TCTN3: variants seen among roughly 807,000 people sequenced by gnomAD.
TCTN3 encodes the protein tectonic-3.
A neutral mutation model predicts 71.3 loss-of-function variants in TCTN3; 57 were observed. The observed-to-expected ratio is 0.80, with a 90% CI of 0.65 to 1.00. TCTN3 has a LOEUF of 1.00. Ranked by LOEUF, TCTN3 falls within the 50% of genes least tolerant of loss-of-function variation. The probability of loss-of-function intolerance (pLI) is 0.00; values close to 1 mark genes in which losing one functional copy is unlikely to be tolerated. For missense variants in TCTN3, 696 were observed against 719.9 expected (o/e 0.97, Z 0.38); for synonymous variants, 258 against 267.8 (o/e 0.96, Z 0.36).
chr10:95,683,778 T>G, intron 9 of TCTN3, 149 bp from the exon 10 acceptor site: 4 of 552,072 alleles, frequency 7.2e-6, no homozygotes, highest in Non-Finnish European at 1.2e-5. Context: ...CAGTGTAGCA[T>G]TTTGCTTCTT....
rs2097944117 is a variant in TCTN3, at chr10:95,682,643, C to G, written c.1452+8G>C. ...AGTCTTCATCAGAAAGTATATTTCT[C>G]TCCTTACTGAAATGCTGCAGTGCCT... is the stretch of plus-strand genomic sequence containing the variant. On this transcript the variant is annotated splice_region_variant and intron_variant, in intron 12 of 13. Coordinates refer to ENST00000371217, the MANE Select transcript of TCTN3 (RefSeq NM_015631.6). 2 of 1,608,706 alleles carry G rather than the reference C, an allele frequency of 1.2e-6. No individual in the cohort carries two copies. Among genetic ancestry groups the G allele is most frequent in the Non-Finnish European group, 1.7e-6 (2 of 1,178,284 alleles).
intron 13 of TCTN3, among the ~76,000 whole-genome samples, chr10:95,671,651 G>C (rs2097931578): frequency 6.6e-6 from 1 of 152,222 alleles, no homozygotes; most frequent in African/African-American, 2.4e-5. Flanking sequence ...TTTGGTACAA[G>C]TGTCTAACTC....
intron 13 of TCTN3, among the ~76,000 whole-genome samples, chr10:95,673,030 G>T (rs2097933276): frequency 2.0e-5 from 3 of 151,950 alleles, no homozygotes; most frequent in African/African-American, 7.2e-5. Flanking sequence ...CCCATTTTTA[G>T]TTTGTCATTG....
intron 3 of TCTN3, among the ~76,000 whole-genome samples, chr10:95,690,593 G>A (rs2097952597): frequency 6.6e-6 from 1 of 152,174 alleles, no homozygotes; most frequent in Admixed American, 6.5e-5. Context: ...ATATCTTGAG[G>A]ACAACGAGTA....
Position 95,693,685 on chromosome 10 carries a change from G to C in TCTN3, c.215C>G (p.Thr72Ser). 3 of 1,551,726 alleles carry C rather than the reference G, an allele frequency of 1.9e-6. No individual in the cohort carries two copies. Among genetic ancestry groups the C allele is most frequent in the Non-Finnish European group, 2.6e-6 (3 of 1,147,004 alleles). Residue 72 changes from threonine to serine, a missense_variant, in exon 1 of 14, where the codon ACT (threonine) becomes AGT (serine). Thr to Ser is a moderately conservative substitution (Grantham distance 58). Coordinates refer to ENST00000371217, the MANE Select transcript of TCTN3 (RefSeq NM_015631.6). ...AGTCCTATTCCCAGGGGCCGAGGGA[G>C]TCACGAGAGTAGGGACCACTGTAGG... ...GLPTVVPTLVTPSAPGNRTVD... is the reference protein window; with the variant it reads ...GLPTVVPTLVSPSAPGNRTVD...
At chr10:95,674,880 T>C (rs372329503) in intron 13 of TCTN3, among the ~76,000 whole-genome samples, 8 of 152,332 alleles carry the variant, frequency 5.3e-5, no homozygotes, top group African/African-American at 1.7e-4. Flanking sequence ...TAAATGTCCA[T>C]GTAAAGGTAA....
At position 95,682,978 on chromosome 10, in the gene TCTN3, A is replaced by G. The variant is rs968182971; in HGVS notation, c.1298+123T>C. On this transcript the variant is annotated intron_variant, in intron 11 of 13. Coordinates refer to ENST00000371217, the MANE Select transcript of TCTN3 (RefSeq NM_015631.6). Reference sequence around the variant, plus strand: ...TCTTAGCAATATCAACACTATTTAGACTAAAAGACTATTCCTGACTAGCAT... The same window carrying G: ...TCTTAGCAATATCAACACTATTTAGGCTAAAAGACTATTCCTGACTAGCAT... 2.4e-5 allele frequency: 29 copies of G among 1,232,364 alleles called. No individual in the cohort carries two copies. The Admixed American group carries it at 4.6e-4, about 20-fold the overall frequency. 76.3% of individuals were successfully genotyped at this position (1,232,364 alleles called of 1,614,324 possible).
At chr10:95,671,718 T>C (rs975214655) in intron 13 of TCTN3, among the ~76,000 whole-genome samples, 3 of 152,134 alleles carry the variant, frequency 2.0e-5, no homozygotes, top group East Asian at 1.9e-4. Context: ...ATCAGACACA[T>C]ATATTACAGA....
intron 13 of TCTN3, among the ~76,000 whole-genome samples, chr10:95,665,391 G>A (rs1218069849): frequency 1.3e-5 from 2 of 152,102 alleles, no homozygotes; most frequent in Non-Finnish European, 2.9e-5. Context: ...TGATTCTCAT[G>A]CCTCAGCCTC....
At chr10:95,674,516 T>C (rs1399829940) in intron 13 of TCTN3, among the ~76,000 whole-genome samples, 1 of 152,158 alleles carries the variant, frequency 6.6e-6, no homozygotes, top group Non-Finnish European at 1.5e-5. Context: ...GAGATCATAC[T>C]GTACAGGCTG....
intron 13 of TCTN3, among the ~76,000 whole-genome samples, chr10:95,679,887 G>C (rs553996970): frequency 1.3e-5 from 2 of 152,286 alleles, no homozygotes; most frequent in South Asian, 4.1e-4. Flanking sequence ...ACCGCGCCCG[G>C]CCGTCATTTC....
chr10:95,686,101 G>A (rs986518881), intron 7 of TCTN3, among the ~76,000 whole-genome samples: 3 of 152,154 alleles, frequency 2.0e-5, no homozygotes, highest in Non-Finnish European at 2.9e-5. Flanking sequence ...GGTGGCACAC[G>A]TCTATAGTCC....
chr10:95,682,540 T>G (rs2097944010), intron 12 of TCTN3, 111 bp downstream of exon 12: 1 of 1,302,268 alleles, frequency 7.7e-7, no homozygotes, highest in South Asian at 1.5e-5. Context: ...TACTCTTCCT[T>G]CTATGACAAA....
chr10:95,682,707 C>G lies in TCTN3; in HGVS notation c.1396G>C (p.Asp466His), dbSNP rs754607949. 11 of 1,614,034 alleles carry G rather than the reference C, an allele frequency of 6.8e-6. No homozygotes were observed. In the Admixed American group the frequency reaches 1.2e-4, roughly 17 times the overall value. ...GTCCACCCTCCTTTCTGGGCTGGGT[C>G]AGCATTACCAAAGATGGCAACATAC... ...PEYVAIFGNA[D>H]PAQKGGWTRI... The change falls in exon 12 of 14, where the codon GAC becomes CAC. Residue 466 changes from aspartate to histidine, a missense_variant. Asp to His is a moderately conservative substitution (Grantham distance 81). Coordinates refer to ENST00000371217, the MANE Select transcript of TCTN3 (RefSeq NM_015631.6).
At chr10:95,667,165 C>A (rs1314233172) in intron 13 of TCTN3, among the ~76,000 whole-genome samples, 1 of 152,076 alleles carries the variant, frequency 6.6e-6, no homozygotes, top group Non-Finnish European at 1.5e-5. Flanking sequence ...GGCTGAGAAA[C>A]CCCACATGAC....
chr10:95,669,997 G>A (rs975169806), intron 13 of TCTN3, among the ~76,000 whole-genome samples: 3 of 147,160 alleles, frequency 2.0e-5, no homozygotes, highest in Non-Finnish European at 3.0e-5. Context: ...CCAGGGGGCG[G>A]AGCCTGCAGT....
At chr10:95,669,077 A>G (rs1375577359) in intron 13 of TCTN3, among the ~76,000 whole-genome samples, 2 of 152,240 alleles carry the variant, frequency 1.3e-5, no homozygotes, top group African/African-American at 4.8e-5. Context: ...AAACATCATG[A>G]TGAAACATTG....
chr10:95,677,479 T>TTG (rs1160078697), intron 13 of TCTN3, among the ~76,000 whole-genome samples: 14 of 80,456 alleles, frequency 1.7e-4, no homozygotes, highest in African/African-American at 4.6e-4. Context: ...CTACAGTTTT[T>TTG]TTTGTTTTTT....
chr10:95,680,831 T>G (rs1292420405), intron 12 of TCTN3, among the ~76,000 whole-genome samples: 1 of 148,142 alleles, frequency 6.8e-6, no homozygotes, highest in Non-Finnish European at 1.5e-5. Context: ...CAGGCTGGAG[T>G]GCAGGGGCAC....
Sources: gnomAD v4.1 joint callset for allele counts (sites outside exome capture counted in the v4.1 genomes callset) on GRCh38, gnomAD v4.1.1 for gene constraint, MANE v1.5 for transcripts, NCBI Gene and HGNC (gene_info 2026-07-23, HGNC 2026-07-21) for gene names.